KLF17: variants seen among roughly 807,000 people sequenced by gnomAD.
KLF17 encodes KLF transcription factor 17.
In KLF17, 31 loss-of-function variants were observed where a neutral mutation model predicts 34.2. The observed-to-expected ratio is 0.91, with a 90% CI of 0.68 to 1.22. The LOEUF (loss-of-function observed/expected upper bound fraction) is 1.22, where lower values mean the gene tolerates loss of function less well. Among genes scored for constraint, KLF17 ranks in the 50% most tolerant of loss-of-function variants. The pLI is 0.00. For missense variants in KLF17, 478 were observed against 505.2 expected, an observed-to-expected ratio of 0.95 and a Z score of 0.52; for synonymous variants, 179 against 186.7, an observed-to-expected ratio of 0.96 and a Z score of 0.34.
upstream of KLF17, among the ~76,000 whole-genome samples, chr1:44,117,831 C>T (rs1484315497): frequency 6.6e-6 from 1 of 152,134 alleles, no homozygotes; most frequent in African/African-American, 2.4e-5. Flanking sequence ...GTCTCTGCAC[C>T]CCTCTGGCCC....
the KLF17 span, among the ~76,000 whole-genome samples, chr1:44,100,985 G>A: frequency 2.6e-5 from 4 of 152,088 alleles, no homozygotes; most frequent in Non-Finnish European, 4.4e-5. Context: ...TATAAACATT[G>A]ACATTTAAAA....
the KLF17 span, among the ~76,000 whole-genome samples, chr1:44,068,111 G>GC: frequency 6.7e-6 from 1 of 149,856 alleles, no homozygotes; most frequent in Admixed American, 6.6e-5. Context: ...TATAATCTCC[G>GC]CCCCCTGGGT....
chr1:44,048,621 C>G, the KLF17 span: 1 of 152,050 alleles, frequency 6.6e-6, no homozygotes, highest in East Asian at 1.9e-4. Flanking sequence ...ATATTTGGGG[C>G]TTTAGAAAAT....
At chr1:44,078,808 G>T in the KLF17 span, among the ~76,000 whole-genome samples, 1 of 152,076 alleles carries the variant, frequency 6.6e-6, no homozygotes, top group Non-Finnish European at 1.5e-5. Context: ...ACAACAGGTG[G>T]TTTCCTAGCA....
At chr1:44,127,692 T>TTTCTTTCTTTCTTTCTTTTTCTTTCTTTC in intron 1 of KLF17, among the ~76,000 whole-genome samples, 1 of 90,172 alleles carries the variant, frequency 1.1e-5, no homozygotes, top group African/African-American at 5.5e-5. Flanking sequence ...CTTTCTTTCT[T>TTTCTTTCTTTCTTTCTTTTTCTTTCTTTC]TTTCTTTCTT....
Position 44,118,913 on chromosome 1 carries a change from C to A in KLF17, c.6C>A (p.Tyr2Ter). 1 of 1,611,384 alleles carries A rather than the reference C, an allele frequency of 6.2e-7. No homozygotes were observed. Among genetic ancestry groups the A allele is most frequent in the Non-Finnish European group, 8.5e-7 (1 of 1,178,890 alleles). Reference sequence around the variant, plus strand: ...CTAGACCCCACCCAGTCTTCATGTACGGCCGACCGCAGGCTGAGATGGAAC... The same window carrying A: ...CTAGACCCCACCCAGTCTTCATGTAAGGCCGACCGCAGGCTGAGATGGAAC... M[Y>*]GRPQAEMEQE... The change falls in exon 1 of 4, where the codon TAC (tyrosine) becomes TAA (stop). Residue 2 changes from tyrosine (Y) to a stop codon, truncating the protein, a stop_gained. Coordinates refer to ENST00000372299, the MANE Select transcript of KLF17 (RefSeq NM_173484.4). LOFTEE classifies it high-confidence loss of function.
intron 3 of KLF17, 89 bp downstream of exon 3, chr1:44,130,845 G>T: frequency 1.5e-6 from 2 of 1,311,206 alleles, no homozygotes; most frequent in African/African-American, 1.5e-5. Context: ...CTCCCAGGCT[G>T]GAGTGCAGTG....
chr1:44,106,177 C>T, the KLF17 span, among the ~76,000 whole-genome samples: 12 of 152,064 alleles, frequency 7.9e-5, no homozygotes, highest in African/African-American at 2.7e-4. Flanking sequence ...CTCCTATCTC[C>T]ATACTGGTTC....
At chr1:44,072,659 A>C in the KLF17 span, among the ~76,000 whole-genome samples, 1 of 152,200 alleles carries the variant, frequency 6.6e-6, no homozygotes. Context: ...ACACCACTGC[A>C]CCCCAGCATG....
the KLF17 span, among the ~76,000 whole-genome samples, chr1:44,058,451 C>T: frequency 7.9e-5 from 12 of 151,886 alleles, no homozygotes; most frequent in Non-Finnish European, 1.6e-4. Context: ...TCACCAAGCC[C>T]GGCTAATTTT....
the KLF17 span, among the ~76,000 whole-genome samples, chr1:44,092,202 C>T: frequency 1.4e-4 from 22 of 151,934 alleles, no homozygotes; most frequent in African/African-American, 4.1e-4. Flanking sequence ...ATTAGCTGGG[C>T]GTGGTGGTGC....
the KLF17 span, among the ~76,000 whole-genome samples, chr1:44,088,717 G>A: frequency 6.6e-6 from 1 of 152,102 alleles, no homozygotes; most frequent in South Asian, 2.1e-4. Context: ...AACTTTGGTG[G>A]GGGGCACAAT....
chr1:44,088,394 G>A, the KLF17 span: 1 of 152,444 alleles, frequency 6.6e-6, no homozygotes, highest in African/African-American at 2.4e-5. Flanking sequence ...TGGGATTACA[G>A]GTGAGCCACA....
At chr1:44,113,153 CA>C in the KLF17 span, among the ~76,000 whole-genome samples, 2 of 152,166 alleles carry the variant, frequency 1.3e-5, no homozygotes, top group Non-Finnish European at 2.9e-5. Context: ...GTAATCCCAG[CA>C]TTTTGGGAGG....
chr1:44,066,830 G>A, the KLF17 span, among the ~76,000 whole-genome samples: 1 of 152,104 alleles, frequency 6.6e-6, no homozygotes, highest in African/African-American at 2.4e-5. Flanking sequence ...ATATGACACA[G>A]CAGTAAAAAT....
the KLF17 span, among the ~76,000 whole-genome samples, chr1:44,058,667 CTTTTTTTTTTTTTTT>C: frequency 4.4e-4 from 29 of 65,222 alleles, 1 homozygote; most frequent in African/African-American, 1.1e-3. Flanking sequence ...ATGGGAGGCC[CTTTTTTTTTTTTTTT>C]TTTTTTTTTT....
Position 44,129,908 on chromosome 1 carries a change from C to A in KLF17, c.637C>A (p.Pro213Thr), listed in dbSNP as rs373793338. ...GCTCCCCTCCATGGCTCAGATGTTG[C>A]CCCCGCAAGATGCCCATGACCTTGG... is the stretch of plus-strand genomic sequence containing the variant. ...AVLPSMAQML[P>T]PQDAHDLGMP... Residue 213 changes from proline to threonine, a missense_variant, in exon 2 of 4, where the codon CCC (proline) becomes ACC (threonine). Coordinates refer to ENST00000372299, the MANE Select transcript of KLF17 (RefSeq NM_173484.4). 7.4e-6 allele frequency: 12 copies of A among 1,614,044 alleles called. No individual in the cohort carries two copies. Among genetic ancestry groups the A allele is most frequent in the Admixed American group, 1.7e-5 (1 of 60,002 alleles).
the KLF17 span, among the ~76,000 whole-genome samples, chr1:44,059,354 G>C: frequency 3.9e-5 from 6 of 152,280 alleles, no homozygotes; most frequent in East Asian, 7.7e-4. Flanking sequence ...AAGGCCCACT[G>C]GACACCATGT....
In KLF17 at chr1:44,129,472, G is replaced by C. The variant is rs755476285; in HGVS notation, c.201G>C (p.Met67Ile). 3.1e-6 allele frequency: 5 copies of C among 1,611,184 alleles called. No individual in the cohort carries two copies. The Admixed American group carries it at 5.0e-5, about 16-fold the overall frequency. The change falls in exon 2 of 4, where the codon ATG becomes ATC. Residue 67 changes from methionine (M) to isoleucine (I), a missense_variant. Coordinates refer to ENST00000372299, the MANE Select transcript of KLF17 (RefSeq NM_173484.4). The part of the protein sequence containing the change: ...SIQHFPHSAE[M>I]LGSPLVSVEA... ...AGCACTTTCCTCACAGCGCAGAGATGCTGGGGTCCCCTTTGGTGTCTGTTG... is the reference window on the plus strand; with the variant it reads ...AGCACTTTCCTCACAGCGCAGAGATCCTGGGGTCCCCTTTGGTGTCTGTTG...
Sources: gnomAD v4.1 joint callset for allele counts (sites outside exome capture counted in the v4.1 genomes callset) on GRCh38, gnomAD v4.1.1 for gene constraint, MANE v1.5 for transcripts, NCBI Gene and HGNC (gene_info 2026-07-23, HGNC 2026-07-21) for gene names.